The following ABHD14A variants were observed in gnomAD, a reference collection of about 807,000 sequenced individuals.
ABHD14A encodes abhydrolase domain containing 14A.
In ABHD14A, 19 loss-of-function variants were observed where a neutral mutation model predicts 27.0. That is an observed-to-expected ratio of 0.70 (90% CI 0.49 to 1.03). ABHD14A has a LOEUF of 1.03. Among genes scored for constraint, ABHD14A ranks in the 50% least tolerant of loss-of-function variants. ABHD14A has a pLI of 0.00. For synonymous variants in ABHD14A, 148 were observed against 158.8 expected, an observed-to-expected ratio of 0.93 and a Z score of 0.51; for missense variants, 311 against 344.6, an observed-to-expected ratio of 0.90 and a Z score of 0.77.
chr3:51,977,360 G>C (rs1036216532), intron 1 of ABHD14A, among the ~76,000 whole-genome samples: 3 of 152,084 alleles, frequency 2.0e-5, no homozygotes, highest in African/African-American at 7.2e-5. Flanking sequence ...GTTCCTCCTT[G>C]GCAAACCGAG....
intron 3 of ABHD14A, chr3:51,980,139 G>A: frequency 1.9e-6 from 1 of 536,658 alleles, no homozygotes. Flanking sequence ...AGCCAGGATG[G>A]TCTCGATCTC....
intron 1 of ABHD14A, 79 bp downstream of exon 1, chr3:51,975,283 C>T: frequency 2.5e-6 from 3 of 1,204,280 alleles, no homozygotes; most frequent in Non-Finnish European, 2.1e-6. Flanking sequence ...CCCGGCGCCC[C>T]GGGGCAGAGT....
intron 1 of ABHD14A, among the ~76,000 whole-genome samples, chr3:51,977,066 G>C (rs543020300): frequency 6.6e-6 from 1 of 152,264 alleles, no homozygotes; most frequent in Admixed American, 6.5e-5. Context: ...GGTGTACCAT[G>C]CTCCTCCCTG....
chr3:51,978,234 A>T lies in ABHD14A; in HGVS notation c.282-25A>T, dbSNP rs380788. 0.015 allele frequency: 23,243 copies of T among 1,542,556 alleles called. 2,678 individuals carry two copies. In the African/African-American group the frequency reaches 0.26, roughly 17 times the overall value. On this transcript the variant is annotated intron_variant, in intron 2 of 4. Coordinates refer to ENST00000273596, the MANE Select transcript of ABHD14A (RefSeq NM_015407.5). ...GGTGGGCTACACCAGGTTCCCAGCA[A>T]ACACATTCCCCTGTGTGCCTGCAGG...
At chr3:51,975,354 G>C (rs1700764487) in intron 1 of ABHD14A, 150 bp downstream of exon 1, 1 of 702,672 alleles carries the variant, frequency 1.4e-6, no homozygotes, top group Admixed American at 4.4e-5. Flanking sequence ...TAATGTGTGT[G>C]CGCGCGCAGG....
rs545429269 is a variant in ABHD14A, at chr3:51,975,327, G to T, written c.69+123G>T. 5.1e-4 allele frequency: 476 copies of T among 936,418 alleles called. 1 individual carries two copies. The African/African-American group carries it at 7.0e-3, about 14-fold the overall frequency. The allele number at this position is 936,418 out of a possible 1,614,324, so 58.0% of individuals were successfully genotyped here. A position where few individuals can be genotyped will look rare whatever the true frequency, so the allele number is the denominator to read the frequency against. On this transcript the variant is annotated intron_variant, in intron 1 of 4. Coordinates refer to ENST00000273596, the MANE Select transcript of ABHD14A (RefSeq NM_015407.5). ...AGAAGCAGACGCTGGGGCCGCGAATGTGCATGTGCGCGCGTGTAATGTGTG... is the reference window on the plus strand; with the variant it reads ...AGAAGCAGACGCTGGGGCCGCGAATTTGCATGTGCGCGCGTGTAATGTGTG...
chr3:51,980,906 A>G lies in ABHD14A; in HGVS notation c.704A>G (p.His235Arg). 1 of 1,614,136 alleles carries G rather than the reference A, an allele frequency of 6.2e-7. No homozygotes were observed. Among genetic ancestry groups the G allele is most frequent in the Non-Finnish European group, 8.5e-7 (1 of 1,180,028 alleles). Residue 235 changes from histidine to arginine, a missense_variant, in exon 5 of 5, where the codon CAC (histidine) becomes CGC (arginine). By Grantham distance (29) the His-to-Arg change is conservative (BLOSUM62 0). Coordinates refer to ENST00000273596, the MANE Select transcript of ABHD14A (RefSeq NM_015407.5). ...CGAGAGTCACTGCGGCAGCTCCGCC[A>G]CCTGCCCAACCACTCTGTGGTGAAG... ...LARESLRQLR[H>R]LPNHSVVKLR...
At chr3:51,979,453 TG>T (rs1464544837) in intron 3 of ABHD14A, among the ~76,000 whole-genome samples, 4 of 151,774 alleles carry the variant, frequency 2.6e-5, no homozygotes, top group African/African-American at 7.3e-5. Context: ...TGTTGTGTTT[TG>T]TTTTTTTTTT....
At chr3:51,980,361 G>A (rs755649737) in intron 3 of ABHD14A, 32 bp from the exon 4 acceptor site, 5 of 1,606,232 alleles carry the variant, frequency 3.1e-6, no homozygotes, top group Non-Finnish European at 4.3e-6. Context: ...CCTTCCCAGT[G>A]CCCCTCAGCT....
chr3:51,981,050 G>T lies in ABHD14A; in HGVS notation c.*32G>T. ...CCACTCCCAGCTCCCAGCCTGGCAT[G>T]AGCTTGGACAGTCTGGACCGCCACC... is the stretch of plus-strand genomic sequence containing the variant. On this transcript the variant is annotated 3_prime_UTR_variant, in exon 5 of 5. Coordinates refer to ENST00000273596, the MANE Select transcript of ABHD14A (RefSeq NM_015407.5). 1 of 1,593,202 alleles carries T rather than the reference G, an allele frequency of 6.3e-7. No individual in the cohort carries two copies. The highest frequency in any genetic ancestry group is 1.1e-5 in the South Asian group (1 of 90,032).
chr3:51,977,492 C>G (rs1469924755), intron 1 of ABHD14A, among the ~76,000 whole-genome samples: 1 of 152,146 alleles, frequency 6.6e-6, no homozygotes, highest in Non-Finnish European at 1.5e-5. Context: ...TATAAGAGAC[C>G]TATAATCACG....
chr3:51,977,208 A>G (rs1700804997), intron 1 of ABHD14A, among the ~76,000 whole-genome samples: 1 of 152,228 alleles, frequency 6.6e-6, no homozygotes, highest in African/African-American at 2.4e-5. Context: ...GCAGTATTAA[A>G]TGCAGTGAGA....
intron 3 of ABHD14A, among the ~76,000 whole-genome samples, chr3:51,979,935 T>A (rs1700878200): frequency 6.6e-6 from 1 of 152,134 alleles, no homozygotes; most frequent in Non-Finnish European, 1.5e-5. Context: ...TTATTTTATT[T>A]TTTTTTTAGA....
intron 1 of ABHD14A, among the ~76,000 whole-genome samples, chr3:51,975,547 G>C (rs927166372): frequency 6.6e-6 from 1 of 151,884 alleles, no homozygotes; most frequent in Non-Finnish European, 1.5e-5. Context: ...TTAAGGGTAT[G>C]TGTCTACCTG....
intron 3 of ABHD14A, 24 bp from the exon 4 acceptor site, chr3:51,980,369 G>A: frequency 6.2e-7 from 1 of 1,611,952 alleles, no homozygotes; most frequent in Non-Finnish European, 8.5e-7. Flanking sequence ...GTGCCCCTCA[G>A]CTGGTACCTG....
chr3:51,975,243 G>A (rs778984930), intron 1 of ABHD14A, 39 bp downstream of exon 1: 48 of 1,246,110 alleles, frequency 3.9e-5, no homozygotes, highest in Middle Eastern at 3.1e-4. Flanking sequence ...CGGTGGCCCA[G>A]GGGAGGGCCG....
At position 51,978,023 on chromosome 3, in the gene ABHD14A, C is replaced by T; in HGVS notation, c.222C>T (p.Leu74=). 1 of 1,614,080 alleles carries T rather than the reference C, an allele frequency of 6.2e-7. No individual in the cohort carries two copies. Among genetic ancestry groups the T allele is most frequent in the Non-Finnish European group, 8.5e-7 (1 of 1,180,038 alleles). Residue 74 remains leucine, a synonymous_variant, in exon 2 of 5, where the codon CTC becomes CTT. Coordinates refer to ENST00000273596, the MANE Select transcript of ABHD14A (RefSeq NM_015407.5). The part of the protein sequence containing the change: ...GDPNVTVLAG[L]TPGNSPIFYR... ...CCAATGTCACAGTCCTGGCTGGTCT[C>T]ACCCCTGGCAACTCGCCCATCTTTT...
At position 51,980,918 on chromosome 3, in the gene ABHD14A, A is replaced by C. The variant is rs1700897674; in HGVS notation, c.716A>C (p.His239Pro). 2 of 1,613,440 alleles carry C rather than the reference A, an allele frequency of 1.2e-6. No homozygotes were observed. Among genetic ancestry groups the C allele is most frequent in the Admixed American group, 1.7e-5 (1 of 59,954 alleles). ...SLRQLRHLPN[H>P]SVVKLRNAGH... ...CGGCAGCTCCGCCACCTGCCCAACC[A>C]CTCTGTGGTGAAGCTACGCAATGCA... The change falls in exon 5 of 5, where the codon CAC (histidine) becomes CCC (proline). Residue 239 changes from histidine (H) to proline (P), a missense_variant. By Grantham distance (77) the His-to-Pro change is moderately conservative. Coordinates refer to ENST00000273596, the MANE Select transcript of ABHD14A (RefSeq NM_015407.5).
rs1219268368 is a variant in ABHD14A at position 51,975,196 on chromosome 3, T to C, written c.61T>C (p.Leu21=). ...RLGGARPLIP[L]GPTVVQTSMS... is the part of the protein sequence containing the mutation. ...GGGCGGGGCCCGCCCGCTCATCCCG[T>C]TGGGCCCGGTGAGTCTCCCGGGGGA... Residue 21 remains leucine (L), a synonymous_variant, in exon 1 of 5, where the codon TTG becomes CTG. Coordinates refer to ENST00000273596, the MANE Select transcript of ABHD14A (RefSeq NM_015407.5). The C allele has an allele frequency of 2.4e-6, 3 of 1,269,694 alleles. No homozygotes were observed. Among genetic ancestry groups the C allele is most frequent in the South Asian group, 5.4e-5 (2 of 37,070 alleles). The allele number at this position is 1,269,694 out of a possible 1,614,324, so 78.7% of individuals were successfully genotyped here.
Sources: gnomAD v4.1 joint callset for allele counts (sites outside exome capture counted in the v4.1 genomes callset) on GRCh38, gnomAD v4.1.1 for gene constraint, MANE v1.5 for transcripts, NCBI Gene and HGNC (gene_info 2026-07-23, HGNC 2026-07-21) for gene names.